Variants in NRXN1 observed in about 807,000 individuals in gnomAD.
NRXN1 encodes the protein neurexin-1.
Under a neutral mutation model 150.9 loss-of-function variants are expected in NRXN1, and 39 were observed. The observed-to-expected ratio is 0.26, with a 90% CI of 0.20 to 0.34. NRXN1 has a LOEUF of 0.34. Ranked by LOEUF, NRXN1 falls within the 10% of genes least tolerant of loss-of-function variation. The probability of loss-of-function intolerance (pLI) is 1.00; values close to 1 mark genes in which losing one functional copy is unlikely to be tolerated. For synonymous variants in NRXN1, 924 were observed against 757.0 expected (o/e 1.22, Z -3.62); for missense variants, 1,815 against 1,949.9 (o/e 0.93, Z 1.30).
chr2:50,645,661 A>G (rs1257428942), intron 5 of NRXN1, among the ~76,000 whole-genome samples: 2 of 151,984 alleles, frequency 1.3e-5, no homozygotes, highest in Admixed American at 1.3e-4. Context: ...TACTTAATTC[A>G]CAATTTTAAC....
At chr2:50,370,788 T>A (rs2079963443) in intron 17 of NRXN1, among the ~76,000 whole-genome samples, 1 of 151,950 alleles carries the variant, frequency 6.6e-6, no homozygotes, top group African/African-American at 2.4e-5. Context: ...CGAACACGAA[T>A]TCAAAAGTGC....
intron 9 of NRXN1, among the ~76,000 whole-genome samples, chr2:50,548,616 C>G (rs1475798843): frequency 6.6e-6 from 1 of 151,378 alleles, no homozygotes; most frequent in Non-Finnish European, 1.5e-5. Context: ...TTTCTTATAC[C>G]AAATATATAC....
chr2:50,281,577 A>G (rs971337188), intron 17 of NRXN1, among the ~76,000 whole-genome samples: 1 of 152,106 alleles, frequency 6.6e-6, no homozygotes, highest in African/African-American at 2.4e-5. Flanking sequence ...AATATGAGAT[A>G]CTGTTATTAT....
chr2:50,900,429 G>A (rs1682746559), intron 5 of NRXN1, among the ~76,000 whole-genome samples: 1 of 152,152 alleles, frequency 6.6e-6, no homozygotes, highest in South Asian at 2.1e-4. Flanking sequence ...TTAGGTCTAA[G>A]TCAGTTTTAC....
chr2:50,132,517 G>A (rs1193609594), intron 18 of NRXN1, among the ~76,000 whole-genome samples: 2 of 152,036 alleles, frequency 1.3e-5, no homozygotes, highest in Non-Finnish European at 2.9e-5. Context: ...GTGTTAGCCA[G>A]GATGGTCTTG....
chr2:50,334,925 C>G (rs79721234), intron 17 of NRXN1, among the ~76,000 whole-genome samples: 192 of 152,304 alleles, frequency 1.3e-3, no homozygotes, highest in African/African-American at 3.9e-3. Flanking sequence ...CTGAACTACT[C>G]TGATCCTAAG....
intron 8 of NRXN1, among the ~76,000 whole-genome samples, chr2:50,612,643 G>A (rs1459739359): frequency 2.0e-5 from 3 of 152,146 alleles, no homozygotes; most frequent in Non-Finnish European, 4.4e-5. Flanking sequence ...TACTTTTCAT[G>A]TACATTTGTA....
In NRXN1 at chr2:50,053,413, T is replaced by A. The variant is rs756512119; in HGVS notation, c.3986A>T (p.Glu1329Val). Residue 1329 changes from glutamate to valine, a missense_variant, in exon 21 of 23, where the codon GAA becomes GTA. Physicochemically the swap from Glu to Val is moderately radical, Grantham distance 121 (BLOSUM62 -2). Around this residue, in one of 6 missense-constraint regions of NRXN1, gnomAD observed 265 missense variants for 307.1 expected, o/e 0.86. Transcript: ENST00000401669. The part of the protein sequence containing the change: ...AIVGNVRLVG[E>V]VPSSMTTEST... ...CTCAGTTGTCATAGAGGAAGGCACT[T>A]CACCAACCAGTCTCACATTTCCCAC... 1.2e-6 allele frequency: 2 copies of A among 1,613,886 alleles called. No homozygotes were observed. The highest frequency in any genetic ancestry group is 1.7e-6 in the Non-Finnish European group (2 of 1,179,936).
intron 19 of NRXN1, 60 bp downstream of exon 19, chr2:50,091,263 G>A (rs1426138773): frequency 3.8e-6 from 6 of 1,579,218 alleles, no homozygotes; most frequent in East Asian, 2.2e-5. Context: ...GCAAAACAGT[G>A]CTTTTTCTTC....
chr2:49,964,493 T>C (rs1225178239), intron 21 of NRXN1, among the ~76,000 whole-genome samples: 3 of 151,052 alleles, frequency 2.0e-5, no homozygotes, highest in African/African-American at 7.3e-5. Flanking sequence ...GGCGGGAAAA[T>C]TGCTTGAACT....
At chr2:50,026,432 A>G (rs548140562) in intron 21 of NRXN1, among the ~76,000 whole-genome samples, 1 of 152,294 alleles carries the variant, frequency 6.6e-6, no homozygotes, top group Admixed American at 6.5e-5. Context: ...CATATTGCTC[A>G]AAATAGCCAT....
At chr2:50,055,314 A>G (rs1234976969) in intron 19 of NRXN1, among the ~76,000 whole-genome samples, 4 of 152,190 alleles carry the variant, frequency 2.6e-5, no homozygotes, top group African/African-American at 4.8e-5. Context: ...GACCCGAACA[A>G]CCAATTTAAA....
chr2:50,976,589 G>A (rs558744706), intron 2 of NRXN1, among the ~76,000 whole-genome samples: 12 of 151,870 alleles, frequency 7.9e-5, no homozygotes, highest in Non-Finnish European at 1.6e-4. Context: ...AAAAATATTA[G>A]GGGACCAAGT....
rs758697692 is a variant in NRXN1, at chr2:50,620,077, G to A, written c.1265C>T (p.Thr422Ile). Residue 422 changes from threonine to isoleucine, a missense_variant, in exon 8 of 23, where the codon ACA becomes ATA. This residue lies in a region of NRXN1 where 638 missense variants were observed against 652.6 expected (regional missense o/e 0.98). Transcript: ENST00000401669. The stretch of plus-strand genomic sequence containing the variant: ...GACTGGTGACCCTGGAAGGTCGGCT[G>A]TGCTGGGACTGCCTCCAACATAGAA... ...DFFYVGGSPS[T>I]ADLPGSPVSN... 6.2e-7 allele frequency: 1 copy of A among 1,613,174 alleles called. No homozygotes were observed. Among genetic ancestry groups the A allele is most frequent in the Non-Finnish European group, 8.5e-7 (1 of 1,179,488 alleles).
chr2:50,967,775 G>A (rs1056456397), intron 2 of NRXN1, among the ~76,000 whole-genome samples: 1 of 151,690 alleles, frequency 6.6e-6, no homozygotes, highest in Non-Finnish European at 1.5e-5. Flanking sequence ...ACCTCCTCTG[G>A]GCCAGAGGAG....
intron 17 of NRXN1, among the ~76,000 whole-genome samples, chr2:50,336,624 C>A (rs908744145): frequency 6.6e-6 from 1 of 152,116 alleles, no homozygotes; most frequent in African/African-American, 2.4e-5. Flanking sequence ...ATCATGACTG[C>A]GCTTGCAAAT....
intron 8 of NRXN1, among the ~76,000 whole-genome samples, chr2:50,593,654 T>C (rs1674652836): frequency 6.6e-6 from 1 of 152,236 alleles, no homozygotes; most frequent in African/African-American, 2.4e-5. Context: ...GATGCTATTT[T>C]ATTTGTTGCT....
chr2:50,376,403 C>T (rs190069138), intron 17 of NRXN1, among the ~76,000 whole-genome samples: 2 of 151,666 alleles, frequency 1.3e-5, no homozygotes, highest in African/African-American at 4.8e-5. Context: ...TATAGCAAAC[C>T]TCCCAAAACA....
At chr2:50,054,455 A>T (rs1573634299) in intron 20 of NRXN1, among the ~76,000 whole-genome samples, 1 of 152,308 alleles carries the variant, frequency 6.6e-6, no homozygotes, top group Admixed American at 6.5e-5. Context: ...CTTGTTCCCA[A>T]ATCCTCTTAG....
Sources: allele counts gnomAD v4.1 joint callset (sites outside exome capture counted in the v4.1 genomes callset), GRCh38; gene constraint gnomAD v4.1.1; regional missense constraint gnomAD v4.1.1; transcripts MANE v1.5; gene names NCBI Gene and HGNC (gene_info 2026-07-23, HGNC 2026-07-21).